The following SMURF2 variants were observed in gnomAD, a reference collection of about 807,000 sequenced individuals.
SMURF2 encodes E3 ubiquitin-protein ligase SMURF2.
Under a neutral mutation model 109.6 loss-of-function variants are expected in SMURF2, and 48 were observed. The ratio of observed to expected loss-of-function variants is 0.44; its 90% confidence interval spans 0.35 to 0.56. SMURF2 has a LOEUF of 0.56. Ranked by LOEUF, SMURF2 falls within the 20% of genes least tolerant of loss-of-function variation. The pLI is 0.01. For synonymous variants in SMURF2, 288 were observed against 317.1 expected (o/e 0.91, Z 0.97); for missense variants, 575 against 909.0 (o/e 0.63, Z 4.72).
chr17:64,599,735 A>G (rs1477677464), intron 2 of SMURF2, among the ~76,000 whole-genome samples: 1 of 152,140 alleles, frequency 6.6e-6, no homozygotes, highest in Non-Finnish European at 1.5e-5. Flanking sequence ...TCATCCCAAC[A>G]CATCCCCTGC....
intron 12 of SMURF2, among the ~76,000 whole-genome samples, chr17:64,559,059 G>A (rs559594170): frequency 2.0e-5 from 3 of 152,216 alleles, no homozygotes; most frequent in East Asian, 1.9e-4. Flanking sequence ...AAGAAGTAAC[G>A]TCTCCACATA....
intron 5 of SMURF2, among the ~76,000 whole-genome samples, chr17:64,587,869 C>T (rs1366166591): frequency 6.6e-6 from 1 of 151,998 alleles, no homozygotes; most frequent in Non-Finnish European, 1.5e-5. Flanking sequence ...TTCTCATTAG[C>T]ATTGTTTAGA....
chr17:64,564,211 A>G (rs1969268859), intron 10 of SMURF2, among the ~76,000 whole-genome samples: 1 of 152,228 alleles, frequency 6.6e-6, no homozygotes, highest in Admixed American at 6.5e-5. Flanking sequence ...GAAAGACTGG[A>G]AACAACCCAA....
chr17:64,590,159 T>TTTTTA (rs1555687530), intron 5 of SMURF2, among the ~76,000 whole-genome samples: 1 of 151,214 alleles, frequency 6.6e-6, no homozygotes, highest in African/African-American at 2.4e-5. Flanking sequence ...TTTTTTTTTT[T>TTTTTA]GAGACAGGGT....
At chr17:64,578,808 G>C (rs1489443763) in intron 8 of SMURF2, among the ~76,000 whole-genome samples, 2 of 152,168 alleles carry the variant, frequency 1.3e-5, no homozygotes, top group Admixed American at 6.5e-5. Flanking sequence ...TTATAACGTG[G>C]CTTAAATACT....
At position 64,545,646 on chromosome 17, in the gene SMURF2, C is replaced by T; in HGVS notation, c.*202G>A. 1 of 410,832 alleles carries T rather than the reference C, an allele frequency of 2.4e-6. No individual in the cohort carries two copies. Among genetic ancestry groups the T allele is most frequent in the Non-Finnish European group, 4.3e-6 (1 of 234,106 alleles). The allele number at this position is 410,832 out of a possible 1,614,324, so 25.4% of individuals were successfully genotyped here. A position where few individuals can be genotyped will look rare whatever the true frequency, so the allele number is the denominator to read the frequency against. ...AGCTGAATGTGGCCTCATGGCAAAGCATAAAGACCTTTTTTTTCCTTGAAA... is the reference window on the plus strand; with the variant it reads ...AGCTGAATGTGGCCTCATGGCAAAGTATAAAGACCTTTTTTTTCCTTGAAA... On this transcript the variant is annotated 3_prime_UTR_variant, in exon 19 of 19. Coordinates refer to ENST00000262435, the MANE Select transcript of SMURF2 (RefSeq NM_022739.4).
At chr17:64,609,563 T>C (rs1970015038) in intron 1 of SMURF2, among the ~76,000 whole-genome samples, 1 of 152,156 alleles carries the variant, frequency 6.6e-6, no homozygotes. Flanking sequence ...GAAAACTGAC[T>C]AGCCATATGC....
chr17:64,560,144 G>A lies in SMURF2; in HGVS notation c.1316+1356C>T, dbSNP rs1459412891. Among the ~76,000 whole-genome samples the A allele has an allele frequency of 3.3e-5, 5 of 151,908 alleles. No individual in the cohort carries two copies. The East Asian group carries it at 7.8e-4, about 24-fold the overall frequency. ...GCAGGAGGATCACTTGTACCTAGGA[G>A]TTCGAAGCTGCAGTGAGCCATGATC... On this transcript the variant is annotated intron_variant, in intron 12 of 18. Transcript: ENST00000262435.
At chr17:64,613,705 T>TGTGTGTGA (rs1970078359) in intron 1 of SMURF2, among the ~76,000 whole-genome samples, 5 of 133,468 alleles carry the variant, frequency 3.7e-5, no homozygotes, top group African/African-American at 1.5e-4. Flanking sequence ...TGTGTGTGTG[T>TGTGTGTGA]GTGTGTGTGT....
chr17:64,557,843 T>TG (rs1969148144), intron 12 of SMURF2, 121 bp from the exon 13 acceptor site: 2 of 575,138 alleles, frequency 3.5e-6, no homozygotes, highest in Non-Finnish European at 6.1e-6. Context: ...AAAAAAGCAC[T>TG]AACTACAGTT....
At chr17:64,660,158 C>T (rs1161266800) in intron 1 of SMURF2, among the ~76,000 whole-genome samples, 1 of 152,198 alleles carries the variant, frequency 6.6e-6, no homozygotes, top group East Asian at 1.9e-4. Flanking sequence ...AAAACCTCAA[C>T]TAACCTTATC....
rs1164717270 is a variant in SMURF2, at chr17:64,566,561, G to GTTTTTTTTTTTTTTTTTTT, written c.1017-3614_1017-3596dup. ...GATGTAGAAATGCTTAAGCTTTCTG[G>GTTTTTTTTTTTTTTTTTTT]TTTTTTTTTTTTTTTTTTTTTTTTT... On this transcript the variant is annotated intron_variant, in intron 10 of 18. Coordinates refer to ENST00000262435, the MANE Select transcript of SMURF2 (RefSeq NM_022739.4). 2.9e-3 allele frequency among the ~76,000 whole-genome samples: 125 copies of GTTTTTTTTTTTTTTTTTTT among 43,794 alleles called. 38 individuals are homozygous for GTTTTTTTTTTTTTTTTTTT. The highest frequency in any genetic ancestry group is 4.0e-3 in the Non-Finnish European group (94 of 23,536). 28.7% of individuals were successfully genotyped at this position (43,794 alleles called of 152,430 possible).
chr17:64,614,230 A>G (rs981010019), intron 1 of SMURF2, among the ~76,000 whole-genome samples: 5 of 152,190 alleles, frequency 3.3e-5, no homozygotes, highest in Non-Finnish European at 7.3e-5. Flanking sequence ...GCTTATATAT[A>G]TGGAATTGAA....
chr17:64,588,923 C>T (rs555482683), intron 5 of SMURF2, among the ~76,000 whole-genome samples: 12 of 152,134 alleles, frequency 7.9e-5, no homozygotes, highest in African/African-American at 2.7e-4. Flanking sequence ...GTGCCCGGCC[C>T]GGGAATACAG....
intron 1 of SMURF2, among the ~76,000 whole-genome samples, chr17:64,619,564 T>C (rs1385280711): frequency 2.0e-5 from 3 of 150,708 alleles, no homozygotes; most frequent in African/African-American, 7.3e-5. Flanking sequence ...ATAGATTAGG[T>C]GGCTTAAACA....
intron 1 of SMURF2, among the ~76,000 whole-genome samples, chr17:64,641,724 A>G (rs1187908315): frequency 6.6e-6 from 1 of 152,058 alleles, no homozygotes. Context: ...CCCCCCAGCA[A>G]TTCCAGTTCC....
Position 64,650,322 on chromosome 17 carries a change from C to T in SMURF2, c.52+11507G>A, listed in dbSNP as rs532718226. 2.4e-4 allele frequency among the ~76,000 whole-genome samples: 36 copies of T among 149,376 alleles called. No homozygotes were observed. In the South Asian group the frequency reaches 7.4e-3, roughly 31 times the overall value. On this transcript the variant is annotated intron_variant, in intron 1 of 18. Transcript: ENST00000262435. ...AGACAGCAGGGATTACAGGCACACA[C>T]CATCACACGGGTTTTTTGTTTTTTG...
intron 12 of SMURF2, chr17:64,560,803 A>G (rs1214301410): frequency 2.0e-5 from 3 of 150,896 alleles, no homozygotes; most frequent in African/African-American, 7.3e-5. Context: ...TCTACAAAAA[A>G]AAAAAAACAA....
At chr17:64,636,944 G>C (rs1448619651) in intron 1 of SMURF2, among the ~76,000 whole-genome samples, 1 of 151,984 alleles carries the variant, frequency 6.6e-6, no homozygotes, top group Non-Finnish European at 1.5e-5. Context: ...TCTAGGCTGG[G>C]TGCAGTGGCT....
Sources: gnomAD v4.1 joint callset for allele counts (sites outside exome capture counted in the v4.1 genomes callset) on GRCh38, gnomAD v4.1.1 for gene constraint, MANE v1.5 for transcripts, NCBI Gene and HGNC (gene_info 2026-07-23, HGNC 2026-07-21) for gene names.